Variants in PCCB observed in about 807,000 individuals in gnomAD.
PCCB encodes propionyl-CoA carboxylase subunit beta.
A neutral mutation model predicts 60.7 loss-of-function variants in PCCB; 43 were observed. That is an observed-to-expected ratio of 0.71 (90% CI 0.55 to 0.91). The LOEUF is 0.91. PCCB is among the 40% of genes least tolerant of loss of function. PCCB has a pLI of 0.00. For missense variants in PCCB, 766 were observed against 702.8 expected (o/e 1.09, Z -1.02); for synonymous variants, 276 against 255.9 (o/e 1.08, Z -0.75).
intron 8 of PCCB, among the ~76,000 whole-genome samples, chr3:136,300,165 C>T (rs1006469686): frequency 8.4e-6 from 1 of 119,384 alleles, no homozygotes; most frequent in African/African-American, 3.9e-5. Context: ...CATATATACA[C>T]ATATGTATAT....
At chr3:136,318,450 A>C (rs1934992885) in intron 10 of PCCB, among the ~76,000 whole-genome samples, 3 of 152,244 alleles carry the variant, frequency 2.0e-5, no homozygotes, top group Non-Finnish European at 4.4e-5. Context: ...CATTTAAAGT[A>C]GTGCAACCGC....
intron 9 of PCCB, among the ~76,000 whole-genome samples, chr3:136,309,944 A>C (rs1934596803): frequency 6.6e-6 from 1 of 151,914 alleles, no homozygotes; most frequent in South Asian, 2.1e-4. Flanking sequence ...ACCAAAAAGC[A>C]CAAGGAGCTG....
In PCCB at chr3:136,303,809, G is replaced by A. The variant is rs1262185721; in HGVS notation, c.966+2698G>A. On this transcript the variant is annotated intron_variant, in intron 9 of 14. Transcript: ENST00000251654. ...AGTAGAGACACGGTTTCGCCATGTT[G>A]GCCAGGCTGGTCTTGAACTTCTGAC... Among the ~76,000 whole-genome samples, 3 of 121,510 alleles carry A rather than the reference G, an allele frequency of 2.5e-5. 1 individual carries two copies. The highest frequency in any genetic ancestry group is 5.5e-5 in the Non-Finnish European group (3 of 54,586). The allele number at this position is 121,510 out of a possible 152,430, so 79.7% of individuals were successfully genotyped here.
intron 6 of PCCB, 49 bp from the exon 7 acceptor site, chr3:136,293,707 C>A: frequency 8.7e-7 from 1 of 1,155,898 alleles, no homozygotes; most frequent in Non-Finnish European, 1.3e-6. Context: ...AAGGCTGTGA[C>A]CAGCTCTGGT....
At chr3:136,324,435 T>C (rs1935222100) in intron 10 of PCCB, among the ~76,000 whole-genome samples, 1 of 152,204 alleles carries the variant, frequency 6.6e-6, no homozygotes, top group African/African-American at 2.4e-5. Flanking sequence ...CTCTGGTCTT[T>C]TATTTTGTAA....
intron 14 of PCCB, among the ~76,000 whole-genome samples, chr3:136,329,442 C>A (rs1935457765): frequency 6.6e-6 from 1 of 152,170 alleles, no homozygotes; most frequent in African/African-American, 2.4e-5. Flanking sequence ...TTGGAAGTTG[C>A]ACAGTGTCAT....
intron 10 of PCCB, among the ~76,000 whole-genome samples, chr3:136,318,220 C>A (rs1934981643): frequency 6.6e-6 from 1 of 151,910 alleles, no homozygotes; most frequent in Non-Finnish European, 1.5e-5. Context: ...TGGCACGTGC[C>A]TGTAGTCCAG....
intron 3 of PCCB, 106 bp downstream of exon 3, chr3:136,256,729 G>T: frequency 1.3e-6 from 1 of 793,530 alleles, no homozygotes; most frequent in Non-Finnish European, 2.2e-6. Context: ...TTGTAGTTTG[G>T]GGAAAATGAG....
At chr3:136,274,200 A>C (rs1455040479) in intron 5 of PCCB, among the ~76,000 whole-genome samples, 2 of 149,802 alleles carry the variant, frequency 1.3e-5, no homozygotes, top group Admixed American at 1.3e-4. Context: ...TTTTTTTTTC[A>C]TTGTGTTATT....
Position 136,297,968 on chromosome 3 carries a change from T to G in PCCB, c.780T>G (p.Ala260=), listed in dbSNP as rs200614840. ...HTTMSGVAHR[A]FENDVDALCN... ...TTCTCTTAGGTGTGGCCCACAGAGC[T>G]TTTGAAAATGATGTTGATGCCTTGT... is the stretch of plus-strand genomic sequence containing the variant. Residue 260 remains alanine, a synonymous_variant, in exon 8 of 15, where the codon GCT becomes GCG. Coordinates refer to ENST00000251654, the MANE Select transcript of PCCB (RefSeq NM_000532.5). 3 of 1,614,148 alleles carry G rather than the reference T, an allele frequency of 1.9e-6. No individual in the cohort carries two copies. In the East Asian group the frequency reaches 6.7e-5, roughly 36 times the overall value.
chr3:136,289,789 C>CTTTTTTT (rs147625921), intron 6 of PCCB, among the ~76,000 whole-genome samples: 14 of 141,846 alleles, frequency 9.9e-5, no homozygotes, highest in African/African-American at 2.1e-4. Context: ...ACATGTTATA[C>CTTTTTTT]TTTTTTTTTA....
chr3:136,286,509 G>T (rs755642115), intron 6 of PCCB, among the ~76,000 whole-genome samples: 5 of 152,194 alleles, frequency 3.3e-5, no homozygotes, highest in Non-Finnish European at 7.3e-5. Context: ...TTAAATGGCA[G>T]GTCTAGTCTT....
rs752195370 is a variant in PCCB, at chr3:136,298,030, G to A, written c.842G>A (p.Ser281Asn). The change falls in exon 8 of 15, where the codon AGC becomes AAC. Residue 281 changes from serine to asparagine, a missense_variant. By Grantham distance (46) the Ser-to-Asn change is conservative (BLOSUM62 1). Transcript: ENST00000251654. ...LRDFFNYLPL[S>N]SQDPAPVREC... The stretch of plus-strand genomic sequence containing the variant: ...GATTTCTTCAACTACCTGCCCCTGA[G>A]CAGTCAGGACCCGGCTCCCGTCCGT... 2 of 1,614,178 alleles carry A rather than the reference G, an allele frequency of 1.2e-6. No homozygotes were observed. The highest frequency in any genetic ancestry group is 1.1e-5 in the South Asian group (1 of 91,086).
At chr3:136,296,461 G>A (rs946078109) in intron 7 of PCCB, among the ~76,000 whole-genome samples, 7 of 152,096 alleles carry the variant, frequency 4.6e-5, no homozygotes, top group Admixed American at 1.3e-4. Context: ...TTTTATGGCC[G>A]AATAATATTC....
At chr3:136,260,154 G>C in intron 3 of PCCB, 1 of 421,686 alleles carries the variant, frequency 2.4e-6, no homozygotes, top group African/African-American at 2.0e-5. Context: ...ACTCACTGAA[G>C]CCTCTGTCTC....
intron 14 of PCCB, among the ~76,000 whole-genome samples, chr3:136,329,175 T>C (rs1322769436): frequency 1.3e-5 from 2 of 152,256 alleles, no homozygotes; most frequent in Non-Finnish European, 2.9e-5. Context: ...TGCTTATGGT[T>C]CTGTGGGGTC....
chr3:136,275,692 G>A (rs1271562648), intron 5 of PCCB, among the ~76,000 whole-genome samples: 1 of 151,976 alleles, frequency 6.6e-6, no homozygotes, highest in Admixed American at 6.6e-5. Flanking sequence ...TGCTTTTAGG[G>A]GGAAGACTGT....
At chr3:136,269,607 C>T (rs540166006) in intron 5 of PCCB, among the ~76,000 whole-genome samples, 31 of 151,328 alleles carry the variant, frequency 2.0e-4, no homozygotes, top group East Asian at 5.9e-4. Context: ...CATCCTTGGC[C>T]GGGTGCGGTG....
rs61160895 is a variant in PCCB, at chr3:136,268,087, G to GATAT, written c.543+6053_543+6056dup. 5.3e-3 allele frequency among the ~76,000 whole-genome samples: 495 copies of GATAT among 93,660 alleles called. 9 individuals are homozygous for GATAT. Among genetic ancestry groups the GATAT allele is most frequent in the African/African-American group, 0.012 (261 of 21,668 alleles). The allele number at this position is 93,660 out of a possible 152,430, so 61.4% of individuals were successfully genotyped here. Reference sequence around the variant, plus strand: ...GTGCGTGTGTGTGTGTGTGTGTGTAGATATATATATATATATATATATATA... The same window carrying GATAT: ...GTGCGTGTGTGTGTGTGTGTGTGTAGATATATATATATATATATATATATATATA... On this transcript the variant is annotated intron_variant, in intron 5 of 14. Coordinates refer to ENST00000251654, the MANE Select transcript of PCCB (RefSeq NM_000532.5).
Sources: allele counts gnomAD v4.1 joint callset (sites outside exome capture counted in the v4.1 genomes callset), GRCh38; gene constraint gnomAD v4.1.1; transcripts MANE v1.5; gene names NCBI Gene and HGNC (gene_info 2026-07-23, HGNC 2026-07-21).